The following AKAP19 variants were observed in gnomAD, a reference collection of about 807,000 sequenced individuals.
AKAP19 encodes small A-kinase anchoring protein.
the AKAP19 span, among the ~76,000 whole-genome samples, chr2:190,196,403 A>G: frequency 6.6e-6 from 1 of 151,828 alleles, no homozygotes; most frequent in African/African-American, 2.4e-5. Flanking sequence ...TTTTTATTTT[A>G]CAATTTCCAT....
the AKAP19 span, among the ~76,000 whole-genome samples, chr2:189,953,858 C>CTAAG: frequency 1.3e-5 from 2 of 152,170 alleles, no homozygotes; most frequent in African/African-American, 4.8e-5. Context: ...TTGGAGTCCA[C>CTAAG]CTCTTAACCA....
At chr2:190,161,939 A>T in the AKAP19 span, among the ~76,000 whole-genome samples, 1 of 152,176 alleles carries the variant, frequency 6.6e-6, no homozygotes, top group Non-Finnish European at 1.5e-5. Context: ...AACTATCCCA[A>T]AATCAAGGTG....
At chr2:189,931,059 T>C in the AKAP19 span, 6 of 472,744 alleles carry the variant, frequency 1.3e-5, no homozygotes, top group African/African-American at 4.1e-5. Context: ...GACAGTCTTC[T>C]CTATTTTCTA....
At chr2:189,949,272 A>G in the AKAP19 span, among the ~76,000 whole-genome samples, 1 of 152,148 alleles carries the variant, frequency 6.6e-6, no homozygotes, top group Non-Finnish European at 1.5e-5. Flanking sequence ...TGAGAAAAAA[A>G]GCCGGGCGCG....
the AKAP19 span, among the ~76,000 whole-genome samples, chr2:189,968,562 T>G: frequency 2.6e-5 from 4 of 152,168 alleles, no homozygotes; most frequent in African/African-American, 9.7e-5. Context: ...TTACATATTT[T>G]TTACTGTACT....
the AKAP19 span, among the ~76,000 whole-genome samples, chr2:189,982,922 A>G: frequency 6.6e-6 from 1 of 152,118 alleles, no homozygotes; most frequent in Non-Finnish European, 1.5e-5. Flanking sequence ...ATTATGGACT[A>G]GCATTAAGCG....
At chr2:190,164,068 C>G in the AKAP19 span, 2 of 152,198 alleles carry the variant, frequency 1.3e-5, no homozygotes, top group Non-Finnish European at 2.9e-5. Flanking sequence ...CTGGTAACTT[C>G]AGGGTTTTCT....
At chr2:190,069,912 T>G in the AKAP19 span, among the ~76,000 whole-genome samples, 1 of 152,312 alleles carries the variant, frequency 6.6e-6, no homozygotes, top group Admixed American at 6.5e-5. Flanking sequence ...ATGGAGAAAC[T>G]GAGGCCCAGA....
At chr2:190,079,866 T>G in the AKAP19 span, 1 of 96,764 alleles carries the variant, frequency 1.0e-5, no homozygotes, top group East Asian at 2.6e-4. Flanking sequence ...GGTGTGTGTG[T>G]GTGTGTGTGT....
At chr2:190,139,407 A>G in the AKAP19 span, among the ~76,000 whole-genome samples, 3 of 152,222 alleles carry the variant, frequency 2.0e-5, no homozygotes, top group South Asian at 6.2e-4. Flanking sequence ...CAGAATTTAT[A>G]GGACCTGAAT....
At chr2:189,931,529 T>C in the AKAP19 span, among the ~76,000 whole-genome samples, 2 of 152,126 alleles carry the variant, frequency 1.3e-5, no homozygotes, top group Non-Finnish European at 2.9e-5. Flanking sequence ...ACCTGGCTAA[T>C]TAAAAATTTT....
the AKAP19 span, among the ~76,000 whole-genome samples, chr2:190,033,428 G>C: frequency 6.6e-6 from 1 of 152,084 alleles, no homozygotes. Flanking sequence ...AATTTAAATT[G>C]GTTTTCCAAT....
chr2:189,929,831 T>C, the AKAP19 span, among the ~76,000 whole-genome samples: 1 of 152,342 alleles, frequency 6.6e-6, no homozygotes, highest in East Asian at 1.9e-4. Context: ...AAAATGCAGC[T>C]TTTAATAAAA....
the AKAP19 span, among the ~76,000 whole-genome samples, chr2:190,184,894 A>C: frequency 1.3e-5 from 2 of 152,182 alleles, no homozygotes; most frequent in Non-Finnish European, 1.5e-5. Flanking sequence ...CATTAAATGT[A>C]CCTCTCTTCC....
the AKAP19 span, among the ~76,000 whole-genome samples, chr2:189,886,093 G>A: frequency 6.6e-6 from 1 of 152,164 alleles, no homozygotes; most frequent in African/African-American, 2.4e-5. Context: ...ACAGGCATAA[G>A]TCACTGTGCC....
At chr2:189,963,117 C>T in the AKAP19 span, among the ~76,000 whole-genome samples, 4 of 151,902 alleles carry the variant, frequency 2.6e-5, no homozygotes, top group Admixed American at 2.6e-4. Flanking sequence ...CTTTTTTGCT[C>T]ATCCATAAGA....
At chr2:189,879,566 T>C in the AKAP19 span, 1 of 152,342 alleles carries the variant, frequency 6.6e-6, no homozygotes, top group Non-Finnish European at 1.5e-5. Context: ...CCCGGCAATC[T>C]TCCGCAGCGC....
At chr2:190,022,210 G>A in the AKAP19 span, among the ~76,000 whole-genome samples, 1 of 152,048 alleles carries the variant, frequency 6.6e-6, no homozygotes, top group Non-Finnish European at 1.5e-5. Context: ...AATTTTGGAG[G>A]GAACAAATAT....
chr2:190,032,056 C>T, the AKAP19 span, among the ~76,000 whole-genome samples: 1 of 152,096 alleles, frequency 6.6e-6, no homozygotes, highest in African/African-American at 2.4e-5. Context: ...ATATATGAGA[C>T]TGAATACAAT....
Sources: allele counts gnomAD v4.1 joint callset (sites outside exome capture counted in the v4.1 genomes callset), GRCh38; gene constraint gnomAD v4.1.1; transcripts MANE v1.5; gene names NCBI Gene and HGNC (gene_info 2026-07-23, HGNC 2026-07-21).